Variants in FAM200B observed in about 807,000 individuals in gnomAD.
FAM200B encodes zinc finger BED-type containing 11.
Under a neutral mutation model 33.1 loss-of-function variants are expected in FAM200B, and 32 were observed. The ratio of observed to expected loss-of-function variants is 0.97; its 90% confidence interval spans 0.73 to 1.30. The LOEUF (loss-of-function observed/expected upper bound fraction) is 1.30, where lower values mean the gene tolerates loss of function less well. FAM200B is among the 50% of genes most tolerant of loss of function. The pLI, the probability that FAM200B is intolerant of heterozygous loss-of-function variation, is 0.00. For missense variants in FAM200B, 741 were observed against 754.0 expected, an observed-to-expected ratio of 0.98 and a Z score of 0.20; for synonymous variants, 240 against 264.8, an observed-to-expected ratio of 0.91 and a Z score of 0.91.
chr4:15,650,452 A>G, the FAM200B span, among the ~76,000 whole-genome samples: 1 of 152,098 alleles, frequency 6.6e-6, no homozygotes, highest in Non-Finnish European at 1.5e-5. Flanking sequence ...CACAAAAGAG[A>G]TTTATGACCT....
the FAM200B span, among the ~76,000 whole-genome samples, chr4:15,656,042 A>G: frequency 6.6e-6 from 1 of 152,212 alleles, no homozygotes; most frequent in Non-Finnish European, 1.5e-5. Context: ...AACGTGGGGG[A>G]AAAACAGTAT....
chr4:15,655,211 C>A, the FAM200B span: 1 of 1,425,538 alleles, frequency 7.0e-7, no homozygotes, highest in East Asian at 3.1e-5. Context: ...TACCTTGTCG[C>A]AGTAGAGCCC....
the FAM200B span, among the ~76,000 whole-genome samples, chr4:15,652,434 C>A: frequency 6.6e-6 from 1 of 152,172 alleles, no homozygotes; most frequent in Non-Finnish European, 1.5e-5. Flanking sequence ...CTTGTCTTTA[C>A]ATAACTCAAA....
chr4:15,641,482 T>A, the FAM200B span: 1 of 350,006 alleles, frequency 2.9e-6, no homozygotes. Context: ...GATTTTTTTC[T>A]TCCGTATGAT....
At chr4:15,683,921 T>C (rs907283615) in intron 1 of FAM200B, among the ~76,000 whole-genome samples, 5 of 152,214 alleles carry the variant, frequency 3.3e-5, no homozygotes, top group Non-Finnish European at 7.3e-5. Flanking sequence ...AGCACTATTC[T>C]AGGAACAGGT....
At chr4:15,656,068 C>G in the FAM200B span, among the ~76,000 whole-genome samples, 18 of 152,190 alleles carry the variant, frequency 1.2e-4, 1 homozygote, top group Non-Finnish European at 2.5e-4. Context: ...GATCCAGGTG[C>G]GGAAATGCAC....
Position 15,688,446 on chromosome 4 carries a change from A to T in FAM200B, c.1469A>T (p.His490Leu). Residue 490 changes from histidine (H) to leucine (L), a missense_variant, in exon 2 of 2, where the codon CAT (histidine) becomes CTT (leucine). By Grantham distance (99) the His-to-Leu change is moderately conservative (BLOSUM62 -3). Transcript: ENST00000422728. The part of the protein sequence containing the change: ...SYYMFPRFLQ[H>L]IEENIINENI... ...TACATGTTTCCAAGATTTTTGCAGC[A>T]TATTGAAGAGAATATTATTAATGAA... The T allele has an allele frequency of 6.5e-7, 1 of 1,544,034 alleles. No individual in the cohort carries two copies. The highest frequency in any genetic ancestry group is 8.8e-7 in the Non-Finnish European group (1 of 1,141,606).
the FAM200B span, among the ~76,000 whole-genome samples, chr4:15,641,179 T>C: frequency 1.3e-5 from 2 of 152,326 alleles, no homozygotes; most frequent in African/African-American, 4.8e-5. Context: ...ATATAATTTC[T>C]ACATGTCAGT....
chr4:15,661,217 G>A, the FAM200B span, among the ~76,000 whole-genome samples: 2 of 152,116 alleles, frequency 1.3e-5, no homozygotes, highest in Admixed American at 6.5e-5. Context: ...TGTTTCCCCT[G>A]TGTGCAAGGT....
chr4:15,640,808 G>C, the FAM200B span: 1 of 1,561,088 alleles, frequency 6.4e-7, no homozygotes, highest in Non-Finnish European at 8.7e-7. Context: ...TCTTTCATGT[G>C]AGGAAGAAAA....
At chr4:15,679,320 G>C (rs1476252241), upstream of FAM200B, among the ~76,000 whole-genome samples, 2 of 151,940 alleles carry the variant, frequency 1.3e-5, no homozygotes, top group Non-Finnish European at 2.9e-5. Flanking sequence ...TCAAAGTGCT[G>C]GGATTACAGG....
upstream of FAM200B, among the ~76,000 whole-genome samples, chr4:15,677,829 A>T (rs971424407): frequency 6.6e-6 from 1 of 152,204 alleles, no homozygotes; most frequent in Non-Finnish European, 1.5e-5. Context: ...GGTCATGGGA[A>T]TGCCCAAATA....
At chr4:15,654,333 T>C in the FAM200B span, among the ~76,000 whole-genome samples, 1 of 152,186 alleles carries the variant, frequency 6.6e-6, no homozygotes, top group Non-Finnish European at 1.5e-5. Flanking sequence ...AACTGACAAA[T>C]ACGTGGAATG....
chr4:15,687,352 GAA>G lies in FAM200B; in HGVS notation c.380_381del (p.Lys127ArgfsTer10). 1.0e-5 allele frequency: 16 copies of G among 1,544,278 alleles called. No homozygotes were observed. The highest frequency in any genetic ancestry group is 1.3e-5 in the Non-Finnish European group (15 of 1,144,000). On this transcript the variant is annotated frameshift_variant, in exon 2 of 2. Transcript: ENST00000422728. LOFTEE classifies it high-confidence loss of function. ...AGCCTCTTGAATATTTTCAAAGAAAGAAAAAAGACATAAAGTTATCAACACAA... is the reference window on the plus strand; with the variant it reads ...AGCCTCTTGAATATTTTCAAAGAAAGAAAAGACATAAAGTTATCAACACAA... ...DKPLEYFQRK[K>X]KDIKLSTQFL... is the part of the protein sequence containing the mutation.
chr4:15,664,191 A>G, the FAM200B span, among the ~76,000 whole-genome samples: 1 of 152,150 alleles, frequency 6.6e-6, no homozygotes, highest in Non-Finnish European at 1.5e-5. Flanking sequence ...CAGTATCTTA[A>G]TAAGACACAT....
the FAM200B span, among the ~76,000 whole-genome samples, chr4:15,650,471 T>C: frequency 3.3e-5 from 5 of 152,078 alleles, no homozygotes; most frequent in Non-Finnish European, 5.9e-5. Flanking sequence ...CTACTACTAA[T>C]AGGTCACAGG....
intron 1 of FAM200B, among the ~76,000 whole-genome samples, chr4:15,683,802 C>T (rs1256814632): frequency 1.3e-5 from 2 of 152,144 alleles, no homozygotes. Context: ...AGTTGGATAA[C>T]TTATTTGTTA....
chr4:15,664,748 G>A, the FAM200B span, among the ~76,000 whole-genome samples: 2 of 151,428 alleles, frequency 1.3e-5, no homozygotes, highest in South Asian at 2.1e-4. Flanking sequence ...TAGTAGAGGC[G>A]AGGTTTCACC....
At chr4:15,641,180 A>G in the FAM200B span, among the ~76,000 whole-genome samples, 1 of 152,192 alleles carries the variant, frequency 6.6e-6, no homozygotes, top group Non-Finnish European at 1.5e-5. Context: ...TATAATTTCT[A>G]CATGTCAGTT....
Sources: gnomAD v4.1 joint callset for allele counts (sites outside exome capture counted in the v4.1 genomes callset) on GRCh38, gnomAD v4.1.1 for gene constraint, MANE v1.5 for transcripts, NCBI Gene and HGNC (gene_info 2026-07-23, HGNC 2026-07-21) for gene names.